Variants in HECW1 observed in about 807,000 individuals in gnomAD.
HECW1 encodes the protein E3 ubiquitin-protein ligase HECW1.
A neutral mutation model predicts 182.3 loss-of-function variants in HECW1; 61 were observed. That is an observed-to-expected ratio of 0.33 (90% confidence interval 0.27 to 0.41). HECW1 has a LOEUF of 0.41. Among genes scored for constraint, HECW1 ranks in the 10% least tolerant of loss-of-function variants. The pLI, the probability that HECW1 is intolerant of heterozygous loss-of-function variation, is 1.00. For missense variants in HECW1, 1,739 were observed against 2,108.9 expected (o/e 0.82, Z 3.44); for synonymous variants, 859 against 832.6 (o/e 1.03, Z -0.55).
intron 2 of HECW1, among the ~76,000 whole-genome samples, chr7:43,160,401 T>C (rs1790408351): frequency 6.6e-6 from 1 of 152,232 alleles, no homozygotes; most frequent in African/African-American, 2.4e-5. Context: ...GAGAGCTGCC[T>C]TCACCTCCAC....
At chr7:43,460,699 T>C (rs2077554155) in intron 13 of HECW1, among the ~76,000 whole-genome samples, 1 of 152,214 alleles carries the variant, frequency 6.6e-6, no homozygotes, top group Admixed American at 6.5e-5. Flanking sequence ...TAATTCCTAA[T>C]GAAATAGAAG....
chr7:43,545,951 CT>C (rs2081542348), intron 26 of HECW1, among the ~76,000 whole-genome samples: 1 of 152,014 alleles, frequency 6.6e-6, no homozygotes, highest in Non-Finnish European at 1.5e-5. Context: ...CAATCCTTTG[CT>C]TTAGTTTCAG....
Position 43,114,358 on chromosome 7 carries a change from C to A in HECW1, c.-65C>A. ...AGCAGGTGGCCAGATCTGCGTTTCT[C>A]ATCAGCAGACTCACTCCGGCTGTGG... is the stretch of plus-strand genomic sequence containing the variant. On this transcript the variant is annotated 5_prime_UTR_variant, in exon 2 of 30. Transcript: ENST00000395891. The A allele has an allele frequency of 7.4e-7, 1 of 1,356,286 alleles. No homozygotes were observed. The allele number at this position is 1,356,286 out of a possible 1,614,324, so 84.0% of individuals were successfully genotyped here.
intron 6 of HECW1, 59 bp from the exon 7 acceptor site, chr7:43,396,755 G>C: frequency 9.2e-7 from 1 of 1,085,590 alleles, no homozygotes; most frequent in Admixed American, 1.7e-5. Context: ...TTGTGTTGAA[G>C]TGTGAATATC....
intron 19 of HECW1, among the ~76,000 whole-genome samples, chr7:43,493,665 T>C (rs1277678999): frequency 6.6e-6 from 1 of 152,210 alleles, no homozygotes; most frequent in Non-Finnish European, 1.5e-5. Flanking sequence ...CTGAATCACA[T>C]GTGGAAGGGA....
intron 3 of HECW1, among the ~76,000 whole-genome samples, chr7:43,258,355 A>C (rs182820152): frequency 5.6e-4 from 70 of 125,646 alleles, no homozygotes; most frequent in Non-Finnish European, 7.7e-4. Flanking sequence ...AAAAATAAAA[A>C]ATAAAAAAAA....
chr7:43,225,256 G>A (rs967502974), intron 2 of HECW1, among the ~76,000 whole-genome samples: 3 of 152,136 alleles, frequency 2.0e-5, no homozygotes, highest in African/African-American at 7.2e-5. Context: ...AAGAAGGCTG[G>A]CGATAGCAAG....
chr7:43,320,318 C>G (rs991051545), intron 4 of HECW1, among the ~76,000 whole-genome samples: 4 of 152,210 alleles, frequency 2.6e-5, no homozygotes, highest in Non-Finnish European at 5.9e-5. Context: ...TGAGCTTTCA[C>G]ACATAGAAAA....
At chr7:43,386,924 A>G (rs2074824167) in intron 6 of HECW1, among the ~76,000 whole-genome samples, 1 of 152,236 alleles carries the variant, frequency 6.6e-6, no homozygotes, top group African/African-American at 2.4e-5. Flanking sequence ...GGATAGAAAC[A>G]TAAGGCCAAG....
At position 43,439,206 on chromosome 7, in the gene HECW1, T is replaced by C. The variant is rs2076801546; in HGVS notation, c.944+1061T>C. 4 of 152,168 alleles carry C rather than the reference T, an allele frequency of 2.6e-5. No homozygotes were observed. In the South Asian group the frequency reaches 8.3e-4, roughly 32 times the overall value. The allele number at this position is 152,168 out of a possible 1,614,324, so 9.4% of individuals were successfully genotyped here. ...CACGTAGTAGGAACACAAAAGAAAATGGTATTCCTTGTGATCTTTTTTATT... is the reference window on the plus strand; with the variant it reads ...CACGTAGTAGGAACACAAAAGAAAACGGTATTCCTTGTGATCTTTTTTATT... On this transcript the variant is annotated intron_variant, in intron 9 of 29. Transcript: ENST00000395891.
intron 29 of HECW1, 30 bp from the exon 30 acceptor site, chr7:43,561,785 C>T (rs2082215722): frequency 7.0e-7 from 1 of 1,437,674 alleles, no homozygotes; most frequent in African/African-American, 1.4e-5. Context: ...TTGAAACAAA[C>T]ACTCTCACCA....
intron 24 of HECW1, chr7:43,512,059 A>C (rs192650865): frequency 1.4e-5 from 3 of 218,072 alleles, no homozygotes; most frequent in Non-Finnish European, 2.8e-5. Flanking sequence ...GCTGCTGCTG[A>C]TCTCGGGTCG....
intron 2 of HECW1, chr7:43,207,966 T>C (rs1044540932): frequency 5.3e-5 from 8 of 152,072 alleles, no homozygotes; most frequent in African/African-American, 1.9e-4. Context: ...TGTAGATTTA[T>C]TTAATTCATT....
chr7:43,238,868 G>A (rs1798620107), intron 2 of HECW1, among the ~76,000 whole-genome samples: 1 of 152,078 alleles, frequency 6.6e-6, no homozygotes, highest in Non-Finnish European at 1.5e-5. Context: ...AGTCATTGCT[G>A]ACAGGAAATG....
At position 43,559,707 on chromosome 7, in the gene HECW1, C is replaced by T. The variant is rs34461582; in HGVS notation, c.4710-2108C>T. Among the ~76,000 whole-genome samples, 6 of 152,138 alleles carry T rather than the reference C, an allele frequency of 3.9e-5. No homozygotes were observed. The South Asian group carries it at 8.3e-4, about 21-fold the overall frequency. On this transcript the variant is annotated intron_variant, in intron 29 of 29. Coordinates refer to ENST00000395891, the MANE Select transcript of HECW1 (RefSeq NM_015052.5). ...CTTGCTGTCCACTGCCCCACACCACCGGGCAATGCTTGGTTTGGTGCACGG... is the reference window on the plus strand; with the variant it reads ...CTTGCTGTCCACTGCCCCACACCACTGGGCAATGCTTGGTTTGGTGCACGG...
chr7:43,338,487 T>G (rs1812568797), intron 5 of HECW1, among the ~76,000 whole-genome samples: 1 of 152,254 alleles, frequency 6.6e-6, no homozygotes, highest in Non-Finnish European at 1.5e-5. Flanking sequence ...CTACTTTCCT[T>G]GGATTTAATT....
Position 43,508,144 on chromosome 7 carries a change from G to A in HECW1, c.3866+13G>A. ...TTGGAGAGGAGGGGTGAGGCACCAG[G>A]AGTTTTATGCAGACACCTAAGCAAG... On this transcript the variant is annotated intron_variant, in intron 23 of 29. Transcript: ENST00000395891. 1 of 1,587,646 alleles carries A rather than the reference G, an allele frequency of 6.3e-7. No homozygotes were observed. The highest frequency in any genetic ancestry group is 8.6e-7 in the Non-Finnish European group (1 of 1,156,158).
At chr7:43,449,482 CA>C (rs1463519315) in intron 11 of HECW1, among the ~76,000 whole-genome samples, 3 of 152,178 alleles carry the variant, frequency 2.0e-5, no homozygotes, top group African/African-American at 7.2e-5. Context: ...AATTAAATCA[CA>C]AAATTAAACC....
chr7:43,320,890 G>A (rs778596817), intron 5 of HECW1, 148 bp downstream of exon 5: 4 of 674,256 alleles, frequency 5.9e-6, no homozygotes, highest in Non-Finnish European at 1.0e-5. Flanking sequence ...TTAAAAAGAT[G>A]TTCAGTAGTA....
Sources: allele counts gnomAD v4.1 joint callset (sites outside exome capture counted in the v4.1 genomes callset), GRCh38; gene constraint gnomAD v4.1.1; transcripts MANE v1.5; gene names NCBI Gene and HGNC (gene_info 2026-07-23, HGNC 2026-07-21).